Variants in JMJD1C observed in about 807,000 individuals in gnomAD.
JMJD1C encodes the protein jumonji domain containing 1C.
In JMJD1C, 31 loss-of-function variants were observed where a neutral mutation model predicts 245.3. That is an observed-to-expected ratio of 0.13 (90% CI 0.09 to 0.17). The LOEUF (loss-of-function observed/expected upper bound fraction) is 0.17, where lower values mean the gene tolerates loss of function less well. Among genes scored for constraint, JMJD1C ranks in the 10% least tolerant of loss-of-function variants. The probability of loss-of-function intolerance (pLI) is 1.00; values close to 1 mark genes in which losing one functional copy is unlikely to be tolerated. For missense variants in JMJD1C, 2,691 were observed against 3,000.2 expected (o/e 0.90, Z 2.41); for synonymous variants, 1,057 against 1,017.4 (o/e 1.04, Z -0.74).
In JMJD1C at chr10:63,264,784, T is replaced by A. The variant is rs374798349; in HGVS notation, c.334-20A>T. On this transcript the variant is annotated intron_variant, in intron 2 of 25. Transcript: ENST00000399262. The stretch of plus-strand genomic sequence containing the variant: ...GAAAGTCTGCCAAGAAAAAAAAAAT[T>A]TCTAATGATAATTTTCTGGGTAGTA... 869 of 1,161,096 alleles carry A rather than the reference T, an allele frequency of 7.5e-4. 1 individual carries two copies. The highest frequency in any genetic ancestry group is 9.7e-4 in the Non-Finnish European group (760 of 786,868). The allele number at this position is 1,161,096 out of a possible 1,614,324, so 71.9% of individuals were successfully genotyped here. A position where few individuals can be genotyped will look rare whatever the true frequency, so the allele number is the denominator to read the frequency against.
At chr10:63,387,658 C>T (rs1358919683) in intron 1 of JMJD1C, among the ~76,000 whole-genome samples, 3 of 13,006 alleles carry the variant, frequency 2.3e-4, no homozygotes, top group South Asian at 2.2e-3. Flanking sequence ...TTTTTTGAGA[C>T]GGAGTCTCGC....
intron 2 of JMJD1C, among the ~76,000 whole-genome samples, chr10:63,282,966 T>A (rs1431158199): frequency 6.6e-6 from 1 of 152,234 alleles, no homozygotes; most frequent in East Asian, 1.9e-4. Flanking sequence ...TCTGCCTGCC[T>A]GGGCCTCCCA....
intron 2 of JMJD1C, chr10:63,301,844 A>T (rs1408761510): frequency 5.2e-6 from 2 of 385,186 alleles, no homozygotes; most frequent in Non-Finnish European, 1.0e-5. Context: ...ACATTTTCAC[A>T]ATGAAGAAAA....
At position 63,177,866 on chromosome 10, in the gene JMJD1C, A is replaced by C. The variant is rs1438234692; in HGVS notation, c.7085-10T>G. On this transcript the variant is annotated splice_polypyrimidine_tract_variant and intron_variant, in intron 22 of 25. Transcript: ENST00000399262. ...AATTTCTTGAGAATTCCTGAAACAAAGGAACATAATTTCAAATTGTCGGCA... is the reference window on the plus strand; with the variant it reads ...AATTTCTTGAGAATTCCTGAAACAACGGAACATAATTTCAAATTGTCGGCA... 3 of 1,611,534 alleles carry C rather than the reference A, an allele frequency of 1.9e-6. No individual in the cohort carries two copies. The highest frequency in any genetic ancestry group is 4.5e-5 in the East Asian group (2 of 44,846).
intron 2 of JMJD1C, among the ~76,000 whole-genome samples, chr10:63,373,480 A>C (rs1416696279): frequency 6.6e-6 from 1 of 152,236 alleles, no homozygotes. Context: ...AACAGCAGGT[A>C]CACTGCCAGT....
At chr10:63,449,933 G>C (rs1396308481) in intron 1 of JMJD1C, among the ~76,000 whole-genome samples, 3 of 151,882 alleles carry the variant, frequency 2.0e-5, no homozygotes, top group Non-Finnish European at 4.4e-5. Flanking sequence ...GGCAACAAAG[G>C]GACACTCCAT....
intron 3 of JMJD1C, among the ~76,000 whole-genome samples, chr10:63,249,688 G>A (rs1273689601): frequency 1.3e-5 from 2 of 151,890 alleles, no homozygotes; most frequent in Admixed American, 6.6e-5. Context: ...GTGAAACCCC[G>A]TCTCTACTAA....
intron 3 of JMJD1C, 82 bp from the exon 4 acceptor site, chr10:63,220,065 A>G: frequency 1.1e-6 from 1 of 951,958 alleles, no homozygotes; most frequent in Non-Finnish European, 1.6e-6. Context: ...ATACGTTCTA[A>G]GGACTGAATA....
chr10:63,381,645 CAA>C (rs1176517380), intron 1 of JMJD1C, among the ~76,000 whole-genome samples: 1 of 152,120 alleles, frequency 6.6e-6, no homozygotes, highest in Admixed American at 6.6e-5. Context: ...ATGAGTATAA[CAA>C]TATTTCAAAA....
intron 3 of JMJD1C, among the ~76,000 whole-genome samples, chr10:63,233,822 C>T (rs892890210): frequency 2.0e-5 from 3 of 151,486 alleles, no homozygotes; most frequent in African/African-American, 7.3e-5. Flanking sequence ...CCAGTAATTT[C>T]TTTAGCTGAG....
At chr10:63,385,296 G>A (rs986259734) in intron 1 of JMJD1C, among the ~76,000 whole-genome samples, 2 of 151,550 alleles carry the variant, frequency 1.3e-5, no homozygotes, top group Admixed American at 6.6e-5. Flanking sequence ...TTGAAATATC[G>A]TGATAATTGA....
At chr10:63,219,179 T>C (rs1848322393) in intron 4 of JMJD1C, among the ~76,000 whole-genome samples, 1 of 152,172 alleles carries the variant, frequency 6.6e-6, no homozygotes, top group Admixed American at 6.5e-5. Context: ...GATCCACTAC[T>C]GTACATACCC....
chr10:63,467,405 G>C (rs1168178801), upstream of JMJD1C, among the ~76,000 whole-genome samples: 1 of 152,146 alleles, frequency 6.6e-6, no homozygotes, highest in East Asian at 1.9e-4. Flanking sequence ...CAGCTACTCA[G>C]GAGGCAGCAG....
chr10:63,337,777 A>G (rs1403318559), intron 2 of JMJD1C, among the ~76,000 whole-genome samples: 1 of 152,084 alleles, frequency 6.6e-6, no homozygotes, highest in Non-Finnish European at 1.5e-5. Flanking sequence ...AAGATGTGTG[A>G]TCATGCTCTC....
At chr10:63,483,317 A>G (rs961395078) in intron 1 of JMJD1C, among the ~76,000 whole-genome samples, 1 of 152,224 alleles carries the variant, frequency 6.6e-6, no homozygotes, top group Non-Finnish European at 1.5e-5. Context: ...ATACCATAAC[A>G]TTAGTTTCCA....
At chr10:63,222,307 T>G in intron 3 of JMJD1C, 1 of 1,309,688 alleles carries the variant, frequency 7.6e-7, no homozygotes, top group East Asian at 2.3e-5. Flanking sequence ...TGATTACAGG[T>G]GGAAATCTAC....
At chr10:63,233,364 G>C (rs899293221) in intron 3 of JMJD1C, among the ~76,000 whole-genome samples, 1 of 151,982 alleles carries the variant, frequency 6.6e-6, no homozygotes, top group African/African-American at 2.4e-5. Context: ...TCTTAGAAAA[G>C]CACTGTCTGT....
At chr10:63,186,181 G>A in intron 19 of JMJD1C, 34 bp downstream of exon 19, 1 of 1,505,232 alleles carries the variant, frequency 6.6e-7, no homozygotes, top group Non-Finnish European at 9.1e-7. Context: ...GAAGGAGTAT[G>A]ATGGAGAAAA....
intron 2 of JMJD1C, among the ~76,000 whole-genome samples, chr10:63,325,558 C>T (rs1056158851): frequency 6.6e-6 from 1 of 152,172 alleles, no homozygotes; most frequent in African/African-American, 2.4e-5. Flanking sequence ...CTCTTTGGAC[C>T]TCTCTTTTCT....
Sources: allele counts gnomAD v4.1 joint callset (sites outside exome capture counted in the v4.1 genomes callset), GRCh38; gene constraint gnomAD v4.1.1; transcripts MANE v1.5; gene names NCBI Gene and HGNC (gene_info 2026-07-23, HGNC 2026-07-21).